The following DTWD1 variants were observed in gnomAD, a reference collection of about 807,000 sequenced individuals.
DTWD1 encodes the protein DTW motif tRNA-uridine aminocarboxypropyltransferase 1.
Under a neutral mutation model 30.2 loss-of-function variants are expected in DTWD1, and 27 were observed. That is an observed-to-expected ratio of 0.90 (90% CI 0.66 to 1.23). The LOEUF is 1.23. Among genes scored for constraint, DTWD1 ranks in the 50% most tolerant of loss-of-function variants. The pLI, the probability that DTWD1 is intolerant of heterozygous loss-of-function variation, is 0.00. For synonymous variants in DTWD1, 99 were observed against 113.1 expected, an observed-to-expected ratio of 0.88 and a Z score of 0.79; for missense variants, 342 against 348.8, an observed-to-expected ratio of 0.98 and a Z score of 0.15.
In DTWD1 at chr15:49,653,155, T is replaced by G. The variant is rs2153355072; in HGVS notation, c.*9577T>G. On this transcript the variant is annotated 3_prime_UTR_variant, in exon 5 of 5. Coordinates refer to ENST00000403028, the MANE Select transcript of DTWD1 (RefSeq NM_001144955.2). ...TTAAACCTTACATGGTAAAAAGGAC[T>G]TTGCCTCTGTCATTAAGTTAAGCAC... 1 of 152,250 alleles carries G rather than the reference T, an allele frequency of 6.6e-6. No homozygotes were observed. Among genetic ancestry groups the G allele is most frequent in the South Asian group, 2.1e-4 (1 of 4,822 alleles). The allele number at this position is 152,250 out of a possible 1,614,324, so 9.4% of individuals were successfully genotyped here. A position where few individuals can be genotyped will look rare whatever the true frequency, so the allele number is the denominator to read the frequency against.
intron 2 of DTWD1, among the ~76,000 whole-genome samples, chr15:49,630,612 T>A (rs1233177068): frequency 2.6e-5 from 4 of 151,974 alleles, no homozygotes; most frequent in Non-Finnish European, 5.9e-5. Context: ...ATAAGAAAAA[T>A]ATAATTTACA....
rs151265203 is a variant in DTWD1 at position 49,622,614 on chromosome 15, G to A, written c.-56+1492G>A. On this transcript the variant is annotated intron_variant, in intron 1 of 4. Coordinates refer to ENST00000403028, the MANE Select transcript of DTWD1 (RefSeq NM_001144955.2). ...CCCATGACTCAAATTGTACTTCCTTGCACATATTTGATGTTAACAAGTATG... is the reference window on the plus strand; with the variant it reads ...CCCATGACTCAAATTGTACTTCCTTACACATATTTGATGTTAACAAGTATG... 1.1e-4 allele frequency among the ~76,000 whole-genome samples: 16 copies of A among 152,240 alleles called. No individual in the cohort carries two copies. The East Asian group carries it at 2.7e-3, about 26-fold the overall frequency.
chr15:49,640,330 C>T (rs1249771890), intron 4 of DTWD1, among the ~76,000 whole-genome samples: 1 of 152,026 alleles, frequency 6.6e-6, no homozygotes, highest in Non-Finnish European at 1.5e-5. Flanking sequence ...CTGTGATATA[C>T]TACAGTTTAT....
chr15:49,635,754 A>T (rs1323937123), intron 4 of DTWD1, among the ~76,000 whole-genome samples: 1 of 152,162 alleles, frequency 6.6e-6, no homozygotes, highest in Non-Finnish European at 1.5e-5. Flanking sequence ...CTGGCCTCCC[A>T]AAGTGCTGGG....
intron 4 of DTWD1, among the ~76,000 whole-genome samples, chr15:49,643,017 G>T (rs1016376945): frequency 6.6e-6 from 1 of 152,056 alleles, no homozygotes; most frequent in Non-Finnish European, 1.5e-5. Flanking sequence ...TTTTGAAGAT[G>T]CTGATACATA....
intron 4 of DTWD1, among the ~76,000 whole-genome samples, chr15:49,637,763 T>C (rs1308471846): frequency 2.6e-5 from 4 of 152,190 alleles, no homozygotes; most frequent in African/African-American, 9.7e-5. Context: ...ATGTGCATTA[T>C]CTAGAAAAGA....
chr15:49,624,781 G>A (rs2078817409), intron 1 of DTWD1, among the ~76,000 whole-genome samples: 1 of 152,104 alleles, frequency 6.6e-6, no homozygotes, highest in Non-Finnish European at 1.5e-5. Context: ...TCAATTCAAA[G>A]TCAGAGCCAA....
intron 2 of DTWD1, chr15:49,631,089 A>T: frequency 3.4e-6 from 1 of 293,136 alleles, no homozygotes; most frequent in Non-Finnish European, 6.9e-6. Context: ...ATTATATATT[A>T]TAATGTAATA....
At chr15:49,626,707 A>C (rs139699556) in intron 2 of DTWD1, 3 of 415,300 alleles carry the variant, frequency 7.2e-6, no homozygotes, top group African/African-American at 6.1e-5. Flanking sequence ...TGAAGTAAGA[A>C]GAGTACTTTG....
Position 49,634,586 on chromosome 15 carries a change from T to A in DTWD1, c.459T>A (p.Ser153=). The A allele has an allele frequency of 1.2e-6, 2 of 1,613,548 alleles. No individual in the cohort carries two copies. The highest frequency in any genetic ancestry group is 1.7e-6 in the Non-Finnish European group (2 of 1,179,768). The change falls in exon 4 of 5, where the codon TCT becomes TCA. Residue 153 remains serine (S), a synonymous_variant. Transcript: ENST00000403028. ...AGTCTATCTCAATAAAAGATATTTC[T>A]TTTCATCTGCAAAAAAGGATTCAAA... ...GPQSISIKDI[S]FHLQKRIQNN...
chr15:49,633,049 C>CTATATATATCTATCTATA (rs2078948251), intron 3 of DTWD1, among the ~76,000 whole-genome samples: 1 of 117,316 alleles, frequency 8.5e-6, no homozygotes, highest in Non-Finnish European at 1.7e-5. Flanking sequence ...ATATCTATAT[C>CTATATATATCTATCTATA]TATATATATA....
At chr15:49,630,741 C>T (rs1433627479) in intron 2 of DTWD1, 1 of 157,346 alleles carries the variant, frequency 6.4e-6, no homozygotes, top group Non-Finnish European at 1.4e-5. Context: ...AGACCACAGA[C>T]CAGTACCGGT....
chr15:49,630,899 A>G, intron 2 of DTWD1: 1 of 281,388 alleles, frequency 3.6e-6, no homozygotes, highest in Non-Finnish European at 7.4e-6. Flanking sequence ...TTCTCATAGG[A>G]GCATGAACCC....
chr15:49,656,227 G>A lies in DTWD1; in HGVS notation c.*12649G>A, dbSNP rs1336501129. Reference sequence around the variant, plus strand: ...AAATTAAATAAAAATTCAAATATTTGTAAAAGAATATTTCTTTCTTTAACC... The same window carrying A: ...AAATTAAATAAAAATTCAAATATTTATAAAAGAATATTTCTTTCTTTAACC... On this transcript the variant is annotated 3_prime_UTR_variant, in exon 5 of 5. Coordinates refer to ENST00000403028, the MANE Select transcript of DTWD1 (RefSeq NM_001144955.2). 6.6e-6 allele frequency: 1 copy of A among 151,978 alleles called. No individual in the cohort carries two copies. The highest frequency in any genetic ancestry group is 1.5e-5 in the Non-Finnish European group (1 of 67,942). The allele number at this position is 151,978 out of a possible 1,614,324, so 9.4% of individuals were successfully genotyped here.
intron 4 of DTWD1, among the ~76,000 whole-genome samples, chr15:49,637,538 A>G (rs2079017679): frequency 6.6e-6 from 1 of 152,226 alleles, no homozygotes; most frequent in Admixed American, 6.5e-5. Flanking sequence ...ATGTATCATG[A>G]GTTCACACAG....
At chr15:49,636,723 CAT>C (rs2079007714) in intron 4 of DTWD1, among the ~76,000 whole-genome samples, 1 of 152,124 alleles carries the variant, frequency 6.6e-6, no homozygotes, top group Admixed American at 6.5e-5. Context: ...TTATTAATAA[CAT>C]GTAATTTTAC....
intron 2 of DTWD1, among the ~76,000 whole-genome samples, chr15:49,627,450 C>T (rs1275014533): frequency 6.6e-6 from 1 of 152,102 alleles, no homozygotes; most frequent in Admixed American, 6.5e-5. Context: ...GGAATGCATT[C>T]ATAAATATAG....
At chr15:49,621,577 A>G (rs574409051) in intron 1 of DTWD1, among the ~76,000 whole-genome samples, 1 of 152,314 alleles carries the variant, frequency 6.6e-6, no homozygotes, top group South Asian at 2.1e-4. Context: ...TGGTTACATA[A>G]TAAGCAAAAG....
At chr15:49,623,726 G>A (rs1315537930) in intron 1 of DTWD1, 1 of 152,146 alleles carries the variant, frequency 6.6e-6, no homozygotes. Context: ...CTCAAGAAAA[G>A]AGGGCATCTT....
Sources: allele counts gnomAD v4.1 joint callset (sites outside exome capture counted in the v4.1 genomes callset), GRCh38; gene constraint gnomAD v4.1.1; transcripts MANE v1.5; gene names NCBI Gene and HGNC (gene_info 2026-07-23, HGNC 2026-07-21).